GPHN: variants seen among roughly 807,000 people sequenced by gnomAD.
GPHN encodes the protein gephyrin.
In GPHN, 17 loss-of-function variants were observed where a neutral mutation model predicts 95.5. The ratio of observed to expected loss-of-function variants is 0.18; its 90% CI spans 0.12 to 0.27. The LOEUF is 0.27. Among genes scored for constraint, GPHN ranks in the 10% least tolerant of loss-of-function variants. The probability of loss-of-function intolerance (pLI) is 1.00; values close to 1 mark genes in which losing one functional copy is unlikely to be tolerated. For synonymous variants in GPHN, 320 were observed against 322.5 expected, an observed-to-expected ratio of 0.99 and a Z score of 0.08; for missense variants, 660 against 978.1, an observed-to-expected ratio of 0.67 and a Z score of 4.34.
At chr14:66,658,957 C>T (rs2065469586) in intron 1 of GPHN, among the ~76,000 whole-genome samples, 1 of 149,322 alleles carries the variant, frequency 6.7e-6, no homozygotes, top group African/African-American at 2.5e-5. Flanking sequence ...TTGGTTTGTG[C>T]TCTTTATTAT....
At position 66,938,629 on chromosome 14, in the gene GPHN, A is replaced by G. The variant is rs536851524; in HGVS notation, c.828+14337A>G. Among the ~76,000 whole-genome samples, 30 of 152,238 alleles carry G rather than the reference A, an allele frequency of 2.0e-4. 1 individual carries two copies. The South Asian group carries it at 5.0e-3, about 25-fold the overall frequency. ...CAAGCAGAAGTCTACTCATGAGTCT[A>G]TTCTTTCAAGTATTAGTACTTTGAA... On this transcript the variant is annotated intron_variant, in intron 8 of 22. Transcript: ENST00000478722.
At chr14:67,565,988 T>G in the GPHN span, among the ~76,000 whole-genome samples, 1 of 152,096 alleles carries the variant, frequency 6.6e-6, no homozygotes, top group African/African-American at 2.4e-5. Context: ...GGCATGGTGG[T>G]GCACGCCTAT....
chr14:66,694,146 G>GAGGTGATT (rs1171102528), intron 2 of GPHN, among the ~76,000 whole-genome samples: 2 of 152,116 alleles, frequency 1.3e-5, no homozygotes, highest in Non-Finnish European at 2.9e-5. Flanking sequence ...AGGCCTTTGG[G>GAGGTGATT]AGGTGATTTA....
At chr14:66,758,992 CA>C (rs2058668345) in intron 2 of GPHN, among the ~76,000 whole-genome samples, 1 of 152,060 alleles carries the variant, frequency 6.6e-6, no homozygotes, top group East Asian at 1.9e-4. Flanking sequence ...TCATTTTTGT[CA>C]AAAACAAATC....
rs1477246900 is a variant in GPHN, at chr14:66,880,001, A to G, written c.357A>G (p.Ser119=). 1 of 1,609,650 alleles carries G rather than the reference A, an allele frequency of 6.2e-7. No individual in the cohort carries two copies. Reference sequence around the variant, plus strand: ...TGGCCCTGGCAATGCTGATGGGATCACTTAATGTTACACCTCTGGGCATGC... The same window carrying G: ...TGGCCCTGGCAATGCTGATGGGATCGCTTAATGTTACACCTCTGGGCATGC... ...PGMALAMLMG[S]LNVTPLGMLS... The change falls in exon 5 of 23, where the codon TCA becomes TCG. Residue 119 remains serine (S), a synonymous_variant. Transcript: ENST00000478722.
the GPHN span, among the ~76,000 whole-genome samples, chr14:67,244,454 A>G: frequency 6.6e-6 from 1 of 152,244 alleles, no homozygotes; most frequent in Non-Finnish European, 1.5e-5. Context: ...GTGGATGAGA[A>G]ATGATATAAT....
At chr14:67,522,284 C>A in the GPHN span, among the ~76,000 whole-genome samples, 2 of 152,234 alleles carry the variant, frequency 1.3e-5, no homozygotes, top group Non-Finnish European at 2.9e-5. Flanking sequence ...GCTCTCATTT[C>A]TGACTCAGCA....
chr14:67,056,041 G>A (rs1470679657), intron 10 of GPHN, among the ~76,000 whole-genome samples: 1 of 152,210 alleles, frequency 6.6e-6, no homozygotes, highest in Non-Finnish European at 1.5e-5. Context: ...CCCAAAGAGT[G>A]AGCAGCAGCA....
chr14:66,531,719 C>A (rs777310439), intron 1 of GPHN, among the ~76,000 whole-genome samples: 2 of 152,118 alleles, frequency 1.3e-5, no homozygotes, highest in Non-Finnish European at 2.9e-5. Flanking sequence ...ATGTACTTTG[C>A]ATGGTGTTAG....
chr14:66,994,414 CA>C (rs200171204), intron 9 of GPHN, among the ~76,000 whole-genome samples: 6 of 148,498 alleles, frequency 4.0e-5, no homozygotes, highest in South Asian at 2.1e-4. Flanking sequence ...GTGCTTTAAA[CA>C]AAAAAAAAAT....
At chr14:67,358,237 C>A in the GPHN span, among the ~76,000 whole-genome samples, 1 of 152,166 alleles carries the variant, frequency 6.6e-6, no homozygotes, top group African/African-American at 2.4e-5. Context: ...GTCACTACCT[C>A]GGGATAGTCC....
At chr14:67,193,070 A>G in the GPHN span, among the ~76,000 whole-genome samples, 1 of 144,868 alleles carries the variant, frequency 6.9e-6, no homozygotes, top group Admixed American at 7.0e-5. Flanking sequence ...ATATCTATAT[A>G]TATCCATATA....
intron 5 of GPHN, among the ~76,000 whole-genome samples, chr14:66,885,369 T>C (rs1036918779): frequency 4.6e-5 from 7 of 152,110 alleles, no homozygotes; most frequent in African/African-American, 1.7e-4. Context: ...ACTTGACTAG[T>C]AGATTTTGGT....
chr14:66,854,928 A>T (rs1012855610), intron 4 of GPHN, among the ~76,000 whole-genome samples: 2 of 151,552 alleles, frequency 1.3e-5, no homozygotes, highest in African/African-American at 4.9e-5. Context: ...GCTCACTGCA[A>T]CTTCTGCCCC....
At chr14:67,693,110 T>G in the GPHN span, 1 of 1,140,792 alleles carries the variant, frequency 8.8e-7, no homozygotes, top group Non-Finnish European at 1.3e-6. Context: ...AGCCAGTAGG[T>G]TCCTGCAACT....
the GPHN span, chr14:67,619,928 C>T: frequency 8.3e-6 from 11 of 1,321,462 alleles, no homozygotes; most frequent in Non-Finnish European, 1.1e-5. Flanking sequence ...TCACTCCCGG[C>T]TTCCAACCGC....
At chr14:66,971,788 A>T (rs1304945624) in intron 9 of GPHN, among the ~76,000 whole-genome samples, 2 of 152,190 alleles carry the variant, frequency 1.3e-5, no homozygotes, top group Admixed American at 6.5e-5. Context: ...TGATTTTGGA[A>T]CACATATATT....
chr14:67,559,098 C>T, the GPHN span, among the ~76,000 whole-genome samples: 1 of 152,192 alleles, frequency 6.6e-6, no homozygotes, highest in African/African-American at 2.4e-5. Flanking sequence ...AGCCACCATG[C>T]CCAGCCAGGC....
chr14:67,654,814 G>A, the GPHN span, among the ~76,000 whole-genome samples: 1 of 152,104 alleles, frequency 6.6e-6, no homozygotes, highest in African/African-American at 2.4e-5. Context: ...CAGATCATGA[G>A]GTTAAGAGAT....
Sources: allele counts gnomAD v4.1 joint callset (sites outside exome capture counted in the v4.1 genomes callset), GRCh38; gene constraint gnomAD v4.1.1; transcripts MANE v1.5; gene names NCBI Gene and HGNC (gene_info 2026-07-23, HGNC 2026-07-21).